The following CDH13 variants were observed in gnomAD, a reference collection of about 807,000 sequenced individuals.
CDH13 encodes cadherin 13.
A neutral mutation model predicts 63.8 loss-of-function variants in CDH13; 24 were observed. That is an observed-to-expected ratio of 0.38 (90% CI 0.27 to 0.53). CDH13 has a LOEUF of 0.53. Ranked by LOEUF, CDH13 falls within the 20% of genes least tolerant of loss-of-function variation. The probability of loss-of-function intolerance (pLI) is 0.85; values close to 1 mark genes in which losing one functional copy is unlikely to be tolerated. For synonymous variants in CDH13, 503 were observed against 355.3 expected (o/e 1.42, Z -4.67); for missense variants, 1,049 against 903.1 (o/e 1.16, Z -2.07).
intron 6 of CDH13, among the ~76,000 whole-genome samples, chr16:83,402,333 T>C (rs1248000800): frequency 6.6e-6 from 1 of 152,188 alleles, no homozygotes; most frequent in African/African-American, 2.4e-5. Flanking sequence ...GGCAAGATTA[T>C]AGAACAGGAC....
intron 4 of CDH13, among the ~76,000 whole-genome samples, chr16:83,160,612 A>G (rs1597441757): frequency 6.6e-6 from 1 of 152,234 alleles, no homozygotes. Flanking sequence ...CACAGTGATA[A>G]CCACCACTAA....
At chr16:83,337,741 A>C (rs886904453) in intron 5 of CDH13, among the ~76,000 whole-genome samples, 4 of 139,286 alleles carry the variant, frequency 2.9e-5, no homozygotes, top group African/African-American at 1.1e-4. Flanking sequence ...TTGTGGCAGG[A>C]TGCTACATAA....
rs193169759 is a variant in CDH13, at chr16:83,720,482, G to A, written c.1539-27626G>A. On this transcript the variant is annotated intron_variant, in intron 10 of 13. Coordinates refer to ENST00000567109, the MANE Select transcript of CDH13 (RefSeq NM_001257.5). ...GGGGAAGTTGGGCGTAATGGCTCAC[G>A]TTCATAATCCTGCTCTTTGGGAGGC... 4.6e-5 allele frequency among the ~76,000 whole-genome samples: 7 copies of A among 152,198 alleles called. No homozygotes were observed. The East Asian group carries it at 5.8e-4, about 13-fold the overall frequency.
intron 5 of CDH13, among the ~76,000 whole-genome samples, chr16:83,264,180 G>T (rs1416414928): frequency 6.6e-6 from 1 of 152,126 alleles, no homozygotes; most frequent in African/African-American, 2.4e-5. Flanking sequence ...GCCCAACCCT[G>T]AATACATTTT....
intron 1 of CDH13, among the ~76,000 whole-genome samples, chr16:82,800,237 C>A (rs962530211): frequency 6.6e-6 from 1 of 151,950 alleles, no homozygotes; most frequent in African/African-American, 2.4e-5. Flanking sequence ...AAAAATAATT[C>A]AAAAATGAAT....
At chr16:83,028,878 G>T (rs1916056465) in intron 2 of CDH13, among the ~76,000 whole-genome samples, 1 of 152,152 alleles carries the variant, frequency 6.6e-6, no homozygotes, top group African/African-American at 2.4e-5. Context: ...GATTTCAGAA[G>T]GGTTGTATTC....
chr16:83,604,439 G>GAA (rs983455476), intron 8 of CDH13, among the ~76,000 whole-genome samples: 2 of 152,034 alleles, frequency 1.3e-5, no homozygotes, highest in Non-Finnish European at 2.9e-5. Context: ...GGATAGGAAT[G>GAA]AAAAAAATAT....
In CDH13 at chr16:83,455,971, C is replaced by T. The variant is rs1483476175; in HGVS notation, c.782-30506C>T. Among the ~76,000 whole-genome samples the T allele has an allele frequency of 7.2e-5, 11 of 152,252 alleles. No individual in the cohort carries two copies. In the East Asian group the frequency reaches 2.1e-3, roughly 29 times the overall value. On this transcript the variant is annotated intron_variant, in intron 6 of 13. Coordinates refer to ENST00000567109, the MANE Select transcript of CDH13 (RefSeq NM_001257.5). Reference sequence around the variant, plus strand: ...AGAGGCATGTTGCATCCTGTAAAGACAGCAGGGCTGAGGGGAGGAGGCTCC... The same window carrying T: ...AGAGGCATGTTGCATCCTGTAAAGATAGCAGGGCTGAGGGGAGGAGGCTCC...
At chr16:83,238,209 C>G (rs571920985) in intron 5 of CDH13, among the ~76,000 whole-genome samples, 1 of 105,144 alleles carries the variant, frequency 9.5e-6, no homozygotes, top group Admixed American at 1.3e-4. Flanking sequence ...ATACCTGAGA[C>G]TGGGTAATTC....
chr16:83,682,324 A>G (rs1345402601), intron 10 of CDH13, among the ~76,000 whole-genome samples: 1 of 152,094 alleles, frequency 6.6e-6, no homozygotes, highest in African/African-American at 2.4e-5. Context: ...AGGCGTTACT[A>G]GGAAGCTGTT....
intron 1 of CDH13, among the ~76,000 whole-genome samples, chr16:82,835,785 A>G (rs1244126186): frequency 6.6e-6 from 1 of 152,182 alleles, no homozygotes; most frequent in Admixed American, 6.5e-5. Context: ...ATCCATATGC[A>G]TGTTTGCCTC....
At chr16:83,538,343 C>T (rs563055281) in intron 7 of CDH13, among the ~76,000 whole-genome samples, 53 of 152,304 alleles carry the variant, frequency 3.5e-4, no homozygotes, top group African/African-American at 1.2e-3. Flanking sequence ...GAAGCAGTCA[C>T]ACTATACTCA....
rs565930041 is a variant in CDH13 at position 82,870,580 on chromosome 16, A to G, written c.157+12107A>G. On this transcript the variant is annotated intron_variant, in intron 2 of 13. Transcript: ENST00000567109. ...ATAAAATCTAGTATTTTGTAGCGTAATAGGGTAACAAAAATTAATAATTTA... is the reference window on the plus strand; with the variant it reads ...ATAAAATCTAGTATTTTGTAGCGTAGTAGGGTAACAAAAATTAATAATTTA... Among the ~76,000 whole-genome samples the G allele has an allele frequency of 6.9e-4, 105 of 152,302 alleles. 1 individual carries two copies. Among genetic ancestry groups the G allele is most frequent in the Middle Eastern group, 3.4e-3 (1 of 294 alleles).
intron 11 of CDH13, among the ~76,000 whole-genome samples, chr16:83,748,857 C>A (rs1372489618): frequency 6.6e-6 from 1 of 152,212 alleles, no homozygotes; most frequent in Non-Finnish European, 1.5e-5. Flanking sequence ...AGGCAAAGTT[C>A]AAAGTGCCAC....
intron 1 of CDH13, among the ~76,000 whole-genome samples, chr16:82,773,969 G>T (rs1404275374): frequency 6.6e-6 from 1 of 152,050 alleles, no homozygotes; most frequent in Non-Finnish European, 1.5e-5. Context: ...GTTTTTGGGA[G>T]AGACAGGGTT....
chr16:82,801,638 A>T (rs1393084928), intron 1 of CDH13, among the ~76,000 whole-genome samples: 1 of 152,234 alleles, frequency 6.6e-6, no homozygotes, highest in Non-Finnish European at 1.5e-5. Context: ...TCATTGAGGG[A>T]AGTACAAAGC....
intron 6 of CDH13, among the ~76,000 whole-genome samples, chr16:83,417,755 C>G (rs967774595): frequency 6.6e-6 from 1 of 152,168 alleles, no homozygotes; most frequent in Non-Finnish European, 1.5e-5. Flanking sequence ...AGACATGTAT[C>G]TCCTGTTATA....
intron 5 of CDH13, among the ~76,000 whole-genome samples, chr16:83,270,757 T>G (rs1035281196): frequency 6.6e-6 from 1 of 152,100 alleles, no homozygotes; most frequent in Non-Finnish European, 1.5e-5. Context: ...ATGATAAGAA[T>G]TATTTACACA....
chr16:83,192,149 C>A (rs1006727160), intron 4 of CDH13, among the ~76,000 whole-genome samples: 1 of 152,186 alleles, frequency 6.6e-6, no homozygotes, highest in African/African-American at 2.4e-5. Context: ...AAGCAAGAGC[C>A]GTTCCTTTGC....
Sources: allele counts gnomAD v4.1 joint callset (sites outside exome capture counted in the v4.1 genomes callset), GRCh38; gene constraint gnomAD v4.1.1; transcripts MANE v1.5; gene names NCBI Gene and HGNC (gene_info 2026-07-23, HGNC 2026-07-21).